ZSWIM6: variants seen among roughly 807,000 people sequenced by gnomAD.
ZSWIM6 encodes the protein zinc finger SWIM-type containing 6, also known as zinc finger SWIM domain-containing protein 6.
A neutral mutation model predicts 113.2 loss-of-function variants in ZSWIM6; 9 were observed. The ratio of observed to expected loss-of-function variants is 0.08; its 90% CI spans 0.05 to 0.14. The LOEUF is 0.14. Ranked by LOEUF, ZSWIM6 falls within the 10% of genes least tolerant of loss-of-function variation. The pLI is 1.00. For synonymous variants in ZSWIM6, 611 were observed against 606.5 expected (o/e 1.01, Z -0.11); for missense variants, 1,162 against 1,552.2 (o/e 0.75, Z 4.22).
chr5:61,344,340 A>G (rs529615852), intron 1 of ZSWIM6, among the ~76,000 whole-genome samples: 52 of 152,200 alleles, frequency 3.4e-4, no homozygotes, highest in Non-Finnish European at 5.9e-4. Flanking sequence ...TTCTCTAGAC[A>G]GTGGTGAAGC....
At chr5:61,506,620 C>G (rs1397101704) in intron 4 of ZSWIM6, among the ~76,000 whole-genome samples, 5 of 151,866 alleles carry the variant, frequency 3.3e-5, no homozygotes, top group Admixed American at 3.3e-4. Context: ...GGATGACTGA[C>G]ATATTAAGAC....
rs1308499627 is a variant in ZSWIM6, at chr5:61,544,193, C to T, written c.3524C>T (p.Ala1175Val). The part of the protein sequence containing the change: ...YSEFIEFLSK[A>V]RETFLMAHDG... The stretch of plus-strand genomic sequence containing the variant: ...GAGTTTATAGAGTTCCTCAGCAAAG[C>T]CCGAGAGACCTTCTTAATGGCGCAT... Residue 1175 changes from alanine (A) to valine (V), a missense_variant, in exon 14 of 14, where the codon GCC (alanine) becomes GTC (valine). Ala to Val is a moderately conservative substitution (Grantham distance 64, BLOSUM62 0). Transcript: ENST00000252744. The T allele has an allele frequency of 6.4e-7, 1 of 1,551,680 alleles. No individual in the cohort carries two copies. The highest frequency in any genetic ancestry group is 8.7e-7 in the Non-Finnish European group (1 of 1,146,974).
In ZSWIM6 at chr5:61,538,855, C is replaced by T. The variant is rs988005543; in HGVS notation, c.2423C>T (p.Thr808Ile). The change falls in exon 11 of 14, where the codon ACC becomes ATC. Residue 808 changes from threonine to isoleucine, a missense_variant. By Grantham distance (89) the Thr-to-Ile change is moderately conservative (BLOSUM62 -1). Around this residue, in one of 4 missense-constraint regions of ZSWIM6, gnomAD observed 620 missense variants for 804.6 expected, o/e 0.77. Coordinates refer to ENST00000252744, the MANE Select transcript of ZSWIM6 (RefSeq NM_020928.2). ...LESTAPSGDL[T>I]RPHHIASVVP... Reference sequence around the variant, plus strand: ...TCTACTGCTCCATCAGGAGACCTCACCCGCCCACACCACATTGCATCAGTT... The same window carrying T: ...TCTACTGCTCCATCAGGAGACCTCATCCGCCCACACCACATTGCATCAGTT... 3.9e-6 allele frequency: 6 copies of T among 1,552,160 alleles called. No homozygotes were observed. The highest frequency in any genetic ancestry group is 5.2e-6 in the Non-Finnish European group (6 of 1,147,098).
intron 1 of ZSWIM6, among the ~76,000 whole-genome samples, chr5:61,383,303 C>T (rs1052988729): frequency 1.3e-5 from 2 of 152,158 alleles, no homozygotes; most frequent in African/African-American, 4.8e-5. Flanking sequence ...GCAGCCCCCA[C>T]CCCACTGGGT....
chr5:61,478,330 C>T (rs1045409354), intron 2 of ZSWIM6, among the ~76,000 whole-genome samples: 3 of 152,054 alleles, frequency 2.0e-5, no homozygotes, highest in Non-Finnish European at 4.4e-5. Flanking sequence ...CTCATTTTTT[C>T]CCCATTCCCA....
At chr5:61,453,280 TG>T (rs1187892953) in intron 1 of ZSWIM6, among the ~76,000 whole-genome samples, 1 of 152,184 alleles carries the variant, frequency 6.6e-6, no homozygotes, top group Non-Finnish European at 1.5e-5. Flanking sequence ...ATATACATTG[TG>T]GGATGACTAA....
intron 1 of ZSWIM6, among the ~76,000 whole-genome samples, chr5:61,381,809 A>T (rs991243875): frequency 6.6e-6 from 1 of 152,236 alleles, no homozygotes; most frequent in Non-Finnish European, 1.5e-5. Context: ...CCTCCAACAC[A>T]GTGCATTATA....
Position 61,335,181 on chromosome 5 carries a change from A to G in ZSWIM6, c.676+2233A>G, listed in dbSNP as rs373364934. Among the ~76,000 whole-genome samples the G allele has an allele frequency of 7.9e-5, 12 of 152,378 alleles. No individual in the cohort carries two copies. The East Asian group carries it at 1.5e-3, about 20-fold the overall frequency. ...TCCCCAAAGGGGAAGAGGCCACTGAATGGAATTGGCAGTGGTTGACGTGAA... is the reference window on the plus strand; with the variant it reads ...TCCCCAAAGGGGAAGAGGCCACTGAGTGGAATTGGCAGTGGTTGACGTGAA... On this transcript the variant is annotated intron_variant, in intron 1 of 13. Coordinates refer to ENST00000252744, the MANE Select transcript of ZSWIM6 (RefSeq NM_020928.2).
At chr5:61,486,776 T>A (rs1450361147) in intron 2 of ZSWIM6, among the ~76,000 whole-genome samples, 2 of 152,104 alleles carry the variant, frequency 1.3e-5, no homozygotes, top group Non-Finnish European at 2.9e-5. Flanking sequence ...TTGCTCACTT[T>A]TTAATGGGAT....
intron 1 of ZSWIM6, among the ~76,000 whole-genome samples, chr5:61,394,564 C>A (rs1396772676): frequency 6.6e-6 from 1 of 152,122 alleles, no homozygotes; most frequent in Non-Finnish European, 1.5e-5. Flanking sequence ...AGTAAGATGA[C>A]TCACATTAAG....
At chr5:61,442,866 C>T (rs999900276) in intron 1 of ZSWIM6, among the ~76,000 whole-genome samples, 10 of 152,218 alleles carry the variant, frequency 6.6e-5, no homozygotes, top group Non-Finnish European at 1.2e-4. Flanking sequence ...ATACTCTACT[C>T]CATTGTTTAA....
At chr5:61,529,942 A>G in intron 7 of ZSWIM6, 110 bp from the exon 8 acceptor site, 2 of 948,064 alleles carry the variant, frequency 2.1e-6, no homozygotes, top group Non-Finnish European at 3.0e-6. Flanking sequence ...AGAATTCAGA[A>G]CTGGTTTATC....
intron 1 of ZSWIM6, among the ~76,000 whole-genome samples, chr5:61,426,142 A>G (rs1332058853): frequency 1.3e-5 from 2 of 152,222 alleles, no homozygotes; most frequent in Middle Eastern, 3.2e-3. Flanking sequence ...AGGCCATTGC[A>G]TGATTTGCAA....
chr5:61,463,438 C>A (rs1160718920), intron 1 of ZSWIM6, among the ~76,000 whole-genome samples: 1 of 152,178 alleles, frequency 6.6e-6, no homozygotes, highest in African/African-American at 2.4e-5. Flanking sequence ...GTCAGTGGTT[C>A]TCAAACTTTG....
At chr5:61,366,368 A>AC (rs1221545236) in intron 1 of ZSWIM6, among the ~76,000 whole-genome samples, 1 of 152,192 alleles carries the variant, frequency 6.6e-6, no homozygotes, top group Non-Finnish European at 1.5e-5. Context: ...CTCCAGCAAG[A>AC]CCAAGTTTAT....
intron 1 of ZSWIM6, among the ~76,000 whole-genome samples, chr5:61,359,760 T>G (rs1744992479): frequency 6.6e-6 from 1 of 152,176 alleles, no homozygotes; most frequent in Non-Finnish European, 1.5e-5. Context: ...TCTAAAGTCT[T>G]TACTTTCTAA....
chr5:61,373,372 C>CTTTTTTTTT (rs748556109), intron 1 of ZSWIM6, among the ~76,000 whole-genome samples: 16 of 102,948 alleles, frequency 1.6e-4, no homozygotes, highest in Admixed American at 3.2e-4. Flanking sequence ...CTCAGTATTT[C>CTTTTTTTTT]TTTTTTTTTT....
chr5:61,468,898 A>G (rs1747500413), intron 1 of ZSWIM6, among the ~76,000 whole-genome samples: 1 of 152,236 alleles, frequency 6.6e-6, no homozygotes, highest in Non-Finnish European at 1.5e-5. Flanking sequence ...ATAGTCTTAT[A>G]AAGTAATATA....
At chr5:61,356,089 T>C (rs1276802508) in intron 1 of ZSWIM6, among the ~76,000 whole-genome samples, 2 of 152,056 alleles carry the variant, frequency 1.3e-5, no homozygotes, top group Admixed American at 6.6e-5. Flanking sequence ...CAAAACACTG[T>C]GTGTGTGTGT....
Sources: gnomAD v4.1 joint callset for allele counts (sites outside exome capture counted in the v4.1 genomes callset) on GRCh38, gnomAD v4.1.1 for gene constraint, gnomAD v4.1.1 regional missense constraint, MANE v1.5 for transcripts, NCBI Gene and HGNC (gene_info 2026-07-23, HGNC 2026-07-21) for gene names.